The following ACVR1 variants were observed in gnomAD, a reference collection of about 807,000 sequenced individuals.
ACVR1 encodes the protein activin A receptor type 1, also known as activin receptor type-1.
ACVR1 carries 38 observed loss-of-function variants against 57.1 expected under a neutral mutation model. The ratio of observed to expected loss-of-function variants is 0.67; its 90% confidence interval spans 0.51 to 0.87. The LOEUF (loss-of-function observed/expected upper bound fraction) is 0.87. Ranked by LOEUF, ACVR1 falls within the 40% of genes least tolerant of loss-of-function variation. The pLI is 0.00. For missense variants in ACVR1, 463 were observed against 638.2 expected, an observed-to-expected ratio of 0.73 and a Z score of 2.96; for synonymous variants, 212 against 228.1, an observed-to-expected ratio of 0.93 and a Z score of 0.63.
intron 1 of ACVR1, among the ~76,000 whole-genome samples, chr2:157,832,239 T>G (rs1688605418): frequency 2.0e-5 from 3 of 152,160 alleles, no homozygotes. Context: ...GAACTACTAC[T>G]GAGAATCTGC....
At chr2:157,866,548 C>T (rs1689945044) in intron 1 of ACVR1, among the ~76,000 whole-genome samples, 1 of 152,070 alleles carries the variant, frequency 6.6e-6, no homozygotes, top group Non-Finnish European at 1.5e-5. Flanking sequence ...GCATTTTTTT[C>T]CCCATCTTGG....
At chr2:157,747,376 T>C (rs567772914) in intron 9 of ACVR1, among the ~76,000 whole-genome samples, 3 of 152,200 alleles carry the variant, frequency 2.0e-5, no homozygotes, top group African/African-American at 7.2e-5. Flanking sequence ...CTGAACGAAA[T>C]CATCATGTGC....
At chr2:157,836,537 G>T (rs922124976) in intron 1 of ACVR1, among the ~76,000 whole-genome samples, 1 of 152,190 alleles carries the variant, frequency 6.6e-6, no homozygotes, top group Non-Finnish European at 1.5e-5. Context: ...CAGGACAAGC[G>T]TCACTCCCAG....
chr2:157,862,054 T>A (rs1689737031), intron 1 of ACVR1, among the ~76,000 whole-genome samples: 1 of 152,240 alleles, frequency 6.6e-6, no homozygotes, highest in Non-Finnish European at 1.5e-5. Flanking sequence ...CTAGCTGACA[T>A]AATTTTGAAT....
At chr2:157,780,672 G>A in intron 3 of ACVR1, 72 bp from the exon 4 acceptor site, 1 of 1,556,504 alleles carries the variant, frequency 6.4e-7, no homozygotes, top group South Asian at 1.2e-5. Flanking sequence ...CCTTCATTGA[G>A]GGAATGACCA....
At chr2:157,841,251 T>C (rs1455046105) in intron 1 of ACVR1, among the ~76,000 whole-genome samples, 4 of 152,010 alleles carry the variant, frequency 2.6e-5, no homozygotes, top group Non-Finnish European at 4.4e-5. Context: ...AGGCTCAAAA[T>C]TGACATAGGA....
At chr2:157,820,832 G>A (rs898034234) in intron 1 of ACVR1, among the ~76,000 whole-genome samples, 2 of 151,932 alleles carry the variant, frequency 1.3e-5, no homozygotes, top group African/African-American at 4.8e-5. Flanking sequence ...TTCAAAACTA[G>A]GTAAAGATCA....
At chr2:157,829,146 A>C (rs1273460523) in intron 1 of ACVR1, among the ~76,000 whole-genome samples, 1 of 152,196 alleles carries the variant, frequency 6.6e-6, no homozygotes, top group Non-Finnish European at 1.5e-5. Context: ...AAATGTACAA[A>C]CAGAAGTACA....
At chr2:157,864,051 G>C (rs1368552259) in intron 1 of ACVR1, among the ~76,000 whole-genome samples, 6 of 149,668 alleles carry the variant, frequency 4.0e-5, no homozygotes, top group Admixed American at 4.0e-4. Flanking sequence ...AAATAGAGAC[G>C]GGGTTTCACA....
At chr2:157,759,930 A>G (rs528341069) in intron 9 of ACVR1, among the ~76,000 whole-genome samples, 2 of 152,242 alleles carry the variant, frequency 1.3e-5, no homozygotes, top group Admixed American at 1.3e-4. Flanking sequence ...CAGGTACAGA[A>G]GGAATATACA....
intron 1 of ACVR1, among the ~76,000 whole-genome samples, chr2:157,841,950 C>T (rs973568523): frequency 6.7e-6 from 1 of 149,790 alleles, no homozygotes; most frequent in Non-Finnish European, 1.5e-5. Context: ...TGGCATGAAC[C>T]CGGGAGGCAG....
At chr2:157,857,726 G>T (rs1022328277) in intron 1 of ACVR1, among the ~76,000 whole-genome samples, 1 of 152,140 alleles carries the variant, frequency 6.6e-6, no homozygotes, top group Non-Finnish European at 1.5e-5. Context: ...TGTCAGCACC[G>T]TAAGAAATCC....
In ACVR1 at chr2:157,775,975, G is replaced by A. The variant is rs974451893; in HGVS notation, c.544-1788C>T. 3.3e-4 allele frequency among the ~76,000 whole-genome samples: 50 copies of A among 152,160 alleles called. 1 individual carries two copies. The highest frequency in any genetic ancestry group is 1.1e-3 in the African/African-American group (47 of 41,510). On this transcript the variant is annotated intron_variant, in intron 5 of 10. Coordinates refer to ENST00000434821, the MANE Select transcript of ACVR1 (RefSeq NM_001111067.4). ...CTGGTCTCAAGTGATCTTCCCCCTT[G>A]GGCTCCCAAAGTGCTGGGACTGCAG...
At chr2:157,850,469 T>C (rs1689256903) in intron 1 of ACVR1, among the ~76,000 whole-genome samples, 1 of 151,814 alleles carries the variant, frequency 6.6e-6, no homozygotes, top group Non-Finnish European at 1.5e-5. Context: ...GAATGTATTT[T>C]AAACACTTAG....
At chr2:157,852,514 A>G (rs1326455988) in intron 1 of ACVR1, among the ~76,000 whole-genome samples, 4 of 147,772 alleles carry the variant, frequency 2.7e-5, no homozygotes, top group Non-Finnish European at 4.5e-5. Flanking sequence ...AAAAAAAAAG[A>G]AAAAAAAAAG....
chr2:157,790,926 C>T (rs1686886567), intron 3 of ACVR1, among the ~76,000 whole-genome samples: 1 of 152,198 alleles, frequency 6.6e-6, no homozygotes, highest in African/African-American at 2.4e-5. Context: ...GCCTGCAGGG[C>T]TCAACTCTCA....
rs1686459582 is a variant in ACVR1 at position 157,780,383 on chromosome 2, T to C, written c.285A>G (p.Gln95=). ...TGATGTTCCTGTTACACCAGTCCCCTTGGCAGCACTCCACGGCTTGGCCAG... is the reference window on the plus strand; with the variant it reads ...TGATGTTCCTGTTACACCAGTCCCCCTGGCAGCACTCCACGGCTTGGCCAG... The part of the protein sequence containing the change: ...PSPGQAVECC[Q]GDWCNRNITA... The change falls in exon 4 of 11, where the codon CAA becomes CAG. Residue 95 remains glutamine, a synonymous_variant. Coordinates refer to ENST00000434821, the MANE Select transcript of ACVR1 (RefSeq NM_001111067.4). 8 of 1,614,058 alleles carry C rather than the reference T, an allele frequency of 5.0e-6. No individual in the cohort carries two copies. The highest frequency in any genetic ancestry group is 4.0e-5 in the African/African-American group (3 of 74,928).
chr2:157,853,470 T>C (rs1423150112), intron 1 of ACVR1, among the ~76,000 whole-genome samples: 1 of 152,056 alleles, frequency 6.6e-6, no homozygotes, highest in African/African-American at 2.4e-5. Flanking sequence ...AAAGACCTCA[T>C]CTCCAAATAG....
intron 4 of ACVR1, among the ~76,000 whole-genome samples, chr2:157,779,954 C>T (rs1053878851): frequency 3.3e-5 from 5 of 152,182 alleles, no homozygotes; most frequent in African/African-American, 1.2e-4. Flanking sequence ...GTTTTCCTCC[C>T]TACACACTTG....
Sources: gnomAD v4.1 joint callset for allele counts (sites outside exome capture counted in the v4.1 genomes callset) on GRCh38, gnomAD v4.1.1 for gene constraint, MANE v1.5 for transcripts, NCBI Gene and HGNC (gene_info 2026-07-23, HGNC 2026-07-21) for gene names.